ANKS1B: variants seen among roughly 807,000 people sequenced by gnomAD.
The protein encoded by ANKS1B is ankyrin repeat and sterile alpha motif domain containing 1B, also known as ankyrin repeat and sterile alpha motif domain-containing protein 1B.
A neutral mutation model predicts 148.3 loss-of-function variants in ANKS1B; 36 were observed. That is an observed-to-expected ratio of 0.24 (90% confidence interval 0.19 to 0.32). The LOEUF (loss-of-function observed/expected upper bound fraction) is 0.32. Ranked by LOEUF, ANKS1B falls within the 10% of genes least tolerant of loss-of-function variation. The pLI is 1.00. For missense variants in ANKS1B, 1,157 were observed against 1,542.6 expected, an observed-to-expected ratio of 0.75 and a Z score of 4.19; for synonymous variants, 542 against 560.8, an observed-to-expected ratio of 0.97 and a Z score of 0.47.
chr12:99,140,133 G>A (rs751722413), intron 15 of ANKS1B, among the ~76,000 whole-genome samples: 12 of 152,096 alleles, frequency 7.9e-5, no homozygotes, highest in Non-Finnish European at 1.3e-4. Flanking sequence ...ATAAGTGGGT[G>A]TCTTTGAGCA....
At chr12:99,794,490 C>CACACACACACAT (rs761141277) in intron 4 of ANKS1B, among the ~76,000 whole-genome samples, 2 of 149,554 alleles carry the variant, frequency 1.3e-5, no homozygotes, top group Admixed American at 6.7e-5. Flanking sequence ...CACACACACA[C>CACACACACACAT]ATTTTCTTGG....
chr12:99,492,335 T>C (rs2096563430), intron 10 of ANKS1B, among the ~76,000 whole-genome samples: 2 of 152,072 alleles, frequency 1.3e-5, no homozygotes, highest in South Asian at 4.1e-4. Flanking sequence ...ACATACACTC[T>C]TCCAAGACTA....
chr12:99,759,342 A>G (rs1022344001), intron 8 of ANKS1B, among the ~76,000 whole-genome samples: 2 of 152,068 alleles, frequency 1.3e-5, no homozygotes, highest in East Asian at 1.9e-4. Context: ...ACGATTATTG[A>G]TTCTGATTCT....
At chr12:99,745,187 T>C (rs1601255443) in intron 8 of ANKS1B, among the ~76,000 whole-genome samples, 2 of 139,290 alleles carry the variant, frequency 1.4e-5, no homozygotes, top group South Asian at 4.9e-4. Flanking sequence ...ACAAAGAGAA[T>C]AAGGAAACAT....
intron 12 of ANKS1B, among the ~76,000 whole-genome samples, chr12:99,375,389 A>C (rs962678751): frequency 2.6e-5 from 4 of 152,140 alleles, no homozygotes; most frequent in Non-Finnish European, 5.9e-5. Context: ...AGCTGAGCTC[A>C]CCTCTCAGGT....
At chr12:99,610,992 G>C (rs2097897094) in intron 9 of ANKS1B, among the ~76,000 whole-genome samples, 2 of 152,160 alleles carry the variant, frequency 1.3e-5, no homozygotes, top group Admixed American at 1.3e-4. Context: ...GCCAAAAAAG[G>C]TTCTATAATC....
rs35761686 is a variant in ANKS1B, at chr12:99,806,602, T to C, written c.471A>G (p.Arg157=). ...CCAAAGGTGTTTCCAGCTTGCTATTTCTAATTGTCGGGTCAGTGAGCTCTT... is the reference window on the plus strand; with the variant it reads ...CCAAAGGTGTTTCCAGCTTGCTATTCCTAATTGTCGGGTCAGTGAGCTCTT... ...LLEELTDPTI[R]NSKLETPLDL... The change falls in exon 4 of 27, where the codon AGA becomes AGG. Residue 157 remains arginine, a synonymous_variant. Coordinates refer to ENST00000683438, the MANE Select transcript of ANKS1B (RefSeq NM_001352186.2). 1.5e-3 allele frequency: 2,364 copies of C among 1,613,996 alleles called. 33 individuals carry two copies. The African/African-American group carries it at 0.026, about 18-fold the overall frequency.
chr12:99,888,610 G>T (rs567530804), intron 1 of ANKS1B, among the ~76,000 whole-genome samples: 6 of 152,120 alleles, frequency 3.9e-5, no homozygotes, highest in Non-Finnish European at 8.8e-5. Flanking sequence ...AGAGAAAAAA[G>T]ATCGGCCAAC....
At chr12:99,966,340 G>C (rs1467072561) in intron 1 of ANKS1B, among the ~76,000 whole-genome samples, 1 of 151,978 alleles carries the variant, frequency 6.6e-6, no homozygotes, top group Non-Finnish European at 1.5e-5. Flanking sequence ...GGAAAAAAAA[G>C]GTTATTTAAA....
At chr12:99,437,568 T>C (rs2095482325) in intron 11 of ANKS1B, among the ~76,000 whole-genome samples, 1 of 151,890 alleles carries the variant, frequency 6.6e-6, no homozygotes, top group African/African-American at 2.4e-5. Context: ...ATTTCTATCA[T>C]GAAACAGGGA....
At chr12:98,739,734 C>T (rs1314428058), downstream of ANKS1B, among the ~76,000 whole-genome samples, 1 of 152,094 alleles carries the variant, frequency 6.6e-6, no homozygotes, top group East Asian at 1.9e-4. Flanking sequence ...ACCTAATGTA[C>T]AAGGCTTTTG....
chr12:98,821,367 T>C (rs76676996), intron 19 of ANKS1B, among the ~76,000 whole-genome samples: 6,172 of 152,296 alleles, frequency 0.041, 345 homozygotes, highest in African/African-American at 0.12. Flanking sequence ...CCAGCCCCTC[T>C]TCTAGCAGCA....
At chr12:99,980,524 T>C (rs1287391589) in intron 1 of ANKS1B, among the ~76,000 whole-genome samples, 1 of 152,050 alleles carries the variant, frequency 6.6e-6, no homozygotes, top group Non-Finnish European at 1.5e-5. Context: ...CTTGGTTTTC[T>C]TATTCAGCCA....
chr12:99,880,773 T>C (rs754121870), intron 1 of ANKS1B, among the ~76,000 whole-genome samples: 6 of 152,198 alleles, frequency 3.9e-5, no homozygotes, highest in Non-Finnish European at 7.3e-5. Flanking sequence ...GATTGAAAGA[T>C]TTGTGAAACT....
chr12:99,728,557 G>A (rs893719076), intron 8 of ANKS1B, among the ~76,000 whole-genome samples: 2 of 152,176 alleles, frequency 1.3e-5, no homozygotes, highest in South Asian at 4.1e-4. Flanking sequence ...CATTGTGGAC[G>A]ACAGTATGGC....
intron 10 of ANKS1B, among the ~76,000 whole-genome samples, chr12:99,453,429 A>G (rs938526560): frequency 2.0e-5 from 3 of 152,240 alleles, no homozygotes; most frequent in Non-Finnish European, 2.9e-5. Flanking sequence ...AAGTAACCAC[A>G]TTGTGAACAA....
At chr12:99,215,665 T>G (rs1430389694) in intron 14 of ANKS1B, among the ~76,000 whole-genome samples, 2 of 152,248 alleles carry the variant, frequency 1.3e-5, no homozygotes, top group African/African-American at 4.8e-5. Context: ...ATTTTGGACT[T>G]GCATGGGGCC....
chr12:99,790,327 G>A (rs1234999470), intron 4 of ANKS1B, among the ~76,000 whole-genome samples: 1 of 152,072 alleles, frequency 6.6e-6, no homozygotes, highest in East Asian at 1.9e-4. Context: ...AAATCTGAGG[G>A]ATTTCATCAA....
At chr12:99,674,545 G>C (rs1178814214) in intron 8 of ANKS1B, among the ~76,000 whole-genome samples, 1 of 151,680 alleles carries the variant, frequency 6.6e-6, no homozygotes, top group Non-Finnish European at 1.5e-5. Flanking sequence ...AATAGTTCTA[G>C]TTCAGAACTG....
Sources: allele counts gnomAD v4.1 joint callset (sites outside exome capture counted in the v4.1 genomes callset), GRCh38; gene constraint gnomAD v4.1.1; transcripts MANE v1.5; gene names NCBI Gene and HGNC (gene_info 2026-07-23, HGNC 2026-07-21).